Variants in GORASP2 observed in about 807,000 individuals in gnomAD.
GORASP2 encodes golgi reassembly stacking protein 2.
A neutral mutation model predicts 45.7 loss-of-function variants in GORASP2; 22 were observed. The ratio of observed to expected loss-of-function variants is 0.48; its 90% CI spans 0.34 to 0.69. The LOEUF is 0.69. Ranked by LOEUF, GORASP2 falls within the 30% of genes least tolerant of loss-of-function variation. The pLI, the probability that GORASP2 is intolerant of heterozygous loss-of-function variation, is 0.01. For missense variants in GORASP2, 491 were observed against 562.7 expected, an observed-to-expected ratio of 0.87 and a Z score of 1.29; for synonymous variants, 221 against 215.6, an observed-to-expected ratio of 1.02 and a Z score of -0.22.
rs575835950 is a variant in GORASP2, at chr2:170,961,757, C to T, written c.910+8C>T. 2.1e-6 allele frequency: 3 copies of T among 1,404,260 alleles called. No homozygotes were observed. The South Asian group carries it at 3.4e-5, about 16-fold the overall frequency. The allele number at this position is 1,404,260 out of a possible 1,614,324, so 87.0% of individuals were successfully genotyped here. On this transcript the variant is annotated splice_region_variant and intron_variant, in intron 8 of 9. Transcript: ENST00000234160. ...CAGCTACTACATTACCAGGTAACCA[C>T]CAGGGGACTAGAGATGTGGCTGATA... is the stretch of plus-strand genomic sequence containing the variant.
chr2:170,936,224 C>CTTTTTTT (rs3079542), intron 1 of GORASP2, among the ~76,000 whole-genome samples: 4 of 119,034 alleles, frequency 3.4e-5, no homozygotes, highest in East Asian at 2.4e-4. Flanking sequence ...TTGAAACTGA[C>CTTTTTTT]TTTTTTTTTT....
intron 1 of GORASP2, chr2:170,929,741 C>T (rs769259976): frequency 2.6e-5 from 14 of 540,364 alleles, no homozygotes; most frequent in South Asian, 1.5e-4. Context: ...TCATTTTTAG[C>T]TTCCAAAGTT....
intron 1 of GORASP2, among the ~76,000 whole-genome samples, chr2:170,931,256 A>C (rs1310774106): frequency 1.3e-5 from 2 of 152,354 alleles, no homozygotes; most frequent in East Asian, 3.9e-4. Flanking sequence ...TTTACTAAAG[A>C]GAGCTTTAAA....
Position 170,951,613 on chromosome 2 carries a change from A to G in GORASP2, c.566+155A>G, listed in dbSNP as rs72878608. The G allele has an allele frequency of 2.1e-4, 121 of 579,548 alleles. 1 individual carries two copies. The highest frequency in any genetic ancestry group is 3.3e-4 in the Non-Finnish European group (112 of 338,750). The allele number at this position is 579,548 out of a possible 1,614,324, so 35.9% of individuals were successfully genotyped here. A position where few individuals can be genotyped will look rare whatever the true frequency, so the allele number is the denominator to read the frequency against. On this transcript the variant is annotated intron_variant, in intron 5 of 9. Coordinates refer to ENST00000234160, the MANE Select transcript of GORASP2 (RefSeq NM_015530.5). ...GAGCTAGTCTAGAATATTGAAACCA[A>G]TTTTTTTAAAGTACATATCTAGGGA... is the stretch of plus-strand genomic sequence containing the variant.
intron 9 of GORASP2, among the ~76,000 whole-genome samples, chr2:170,964,748 GCTC>G (rs1240323812): frequency 6.6e-6 from 1 of 152,054 alleles, no homozygotes; most frequent in African/African-American, 2.4e-5. Context: ...TGTATTCTTG[GCTC>G]CTCCTCTGCC....
chr2:170,966,121 G>A lies in GORASP2; in HGVS notation c.1350G>A (p.Glu450=). The change falls in exon 10 of 10, where the codon GAG becomes GAA. Residue 450 remains glutamate, a synonymous_variant. Coordinates refer to ENST00000234160, the MANE Select transcript of GORASP2 (RefSeq NM_015530.5). Reference sequence around the variant, plus strand: ...CGGCTGTGGATGCCAATGCTTCTGAGTCACCTTAACTTTGAACCATTCTTT... The same window carrying A: ...CGGCTGTGGATGCCAATGCTTCTGAATCACCTTAACTTTGAACCATTCTTT... ...VSAAVDANAS[E]SP is the part of the protein sequence containing the mutation. 1 of 1,612,290 alleles carries A rather than the reference G, an allele frequency of 6.2e-7. No individual in the cohort carries two copies. Among genetic ancestry groups the A allele is most frequent in the South Asian group, 1.1e-5 (1 of 91,064 alleles).
intron 8 of GORASP2, 47 bp from the exon 9 acceptor site, chr2:170,962,792 C>T: frequency 8.0e-7 from 1 of 1,257,498 alleles, no homozygotes; most frequent in South Asian, 1.2e-5. Context: ...TTATTTCTTC[C>T]CCAGGTCAAG....
At chr2:170,948,039 G>A (rs991558921) in intron 1 of GORASP2, among the ~76,000 whole-genome samples, 1 of 152,144 alleles carries the variant, frequency 6.6e-6, no homozygotes, top group African/African-American at 2.4e-5. Context: ...CACAAGAATC[G>A]CTTGAATCAG....
chr2:170,938,924 C>T (rs776344819), intron 1 of GORASP2, among the ~76,000 whole-genome samples: 2 of 152,024 alleles, frequency 1.3e-5, no homozygotes, highest in Non-Finnish European at 2.9e-5. Flanking sequence ...ACCCAGGAGG[C>T]GGAGGTTGCT....
Position 170,948,373 on chromosome 2 carries a change from CAG to C in GORASP2, c.90_91del (p.Arg30SerfsTer8). 2 of 1,601,134 alleles carry C rather than the reference CAG, an allele frequency of 1.2e-6. No individual in the cohort carries two copies. The highest frequency in any genetic ancestry group is 1.7e-6 in the Non-Finnish European group (2 of 1,169,540). ...LRVQENSPGH[R>X]AGLEPFFDFI... Reference sequence around the variant, plus strand: ...AGGTACAAGAAAATTCCCCAGGACACAGAGCTGGTTTGGAGCCTTTCTTTGAT... The same window carrying C: ...AGGTACAAGAAAATTCCCCAGGACACAGCTGGTTTGGAGCCTTTCTTTGAT... On this transcript the variant is annotated frameshift_variant, in exon 2 of 10. Transcript: ENST00000234160. LOFTEE classifies it high-confidence loss of function.
intron 1 of GORASP2, among the ~76,000 whole-genome samples, chr2:170,938,741 C>CCTTTGGGATTA (rs1704010630): frequency 6.6e-6 from 1 of 152,156 alleles, no homozygotes; most frequent in South Asian, 2.1e-4. Flanking sequence ...GCCTGTAATC[C>CCTTTGGGATTA]CAGTACTTTG....
At chr2:170,936,757 A>G (rs1480556405) in intron 1 of GORASP2, 2 of 618,668 alleles carry the variant, frequency 3.2e-6, no homozygotes, top group African/African-American at 1.9e-5. Context: ...GTTTAAGACC[A>G]CGCTGGGCAA....
At chr2:170,932,490 C>T (rs1703852575) in intron 1 of GORASP2, among the ~76,000 whole-genome samples, 1 of 152,200 alleles carries the variant, frequency 6.6e-6, no homozygotes, top group Admixed American at 6.5e-5. Context: ...ATATTTACAA[C>T]CTTAAATCCT....
chr2:170,952,368 G>A (rs187835870), intron 5 of GORASP2, among the ~76,000 whole-genome samples: 3 of 152,318 alleles, frequency 2.0e-5, no homozygotes, highest in Non-Finnish European at 2.9e-5. Flanking sequence ...CATTGCATTA[G>A]CTAGGCCCAT....
intron 1 of GORASP2, among the ~76,000 whole-genome samples, chr2:170,944,165 T>A (rs778833461): frequency 6.6e-6 from 1 of 152,200 alleles, no homozygotes; most frequent in Admixed American, 6.5e-5. Flanking sequence ...AGTGGTAATC[T>A]GATGCTTGAG....
chr2:170,956,553 A>G lies in GORASP2; in HGVS notation c.817A>G (p.Ser273Gly), dbSNP rs1274934177. The change falls in exon 7 of 10, where the codon AGT becomes GGT. Residue 273 changes from serine (S) to glycine (G), a missense_variant. Physicochemically the swap from Ser to Gly is moderately conservative, Grantham distance 56 (BLOSUM62 0). Transcript: ENST00000234160. ...STPPAVSSVL[S>G]TGVPTVPLLP... ...TCCACCAGCTGTCAGTAGTGTTCTC[A>G]GTACAGGTGTGCAGAAAAATATATT... 3.1e-6 allele frequency: 5 copies of G among 1,603,542 alleles called. No homozygotes were observed. Among genetic ancestry groups the G allele is most frequent in the Middle Eastern group, 1.7e-4 (1 of 6,026 alleles).
At chr2:170,937,889 A>T (rs926708814) in intron 1 of GORASP2, among the ~76,000 whole-genome samples, 2 of 152,208 alleles carry the variant, frequency 1.3e-5, no homozygotes, top group African/African-American at 4.8e-5. Context: ...ATCATAGTCA[A>T]CCACCAGAGA....
chr2:170,930,018 C>T (rs971325106), intron 1 of GORASP2: 6 of 300,264 alleles, frequency 2.0e-5, no homozygotes, highest in African/African-American at 1.4e-4. Context: ...CCCTCCCAAA[C>T]CTTCTCAAGA....
intron 9 of GORASP2, among the ~76,000 whole-genome samples, chr2:170,965,215 T>C (rs1488704563): frequency 6.6e-6 from 1 of 152,180 alleles, no homozygotes; most frequent in African/African-American, 2.4e-5. Context: ...ACGCCTGGCC[T>C]TGCATTTTAA....
Sources: allele counts gnomAD v4.1 joint callset (sites outside exome capture counted in the v4.1 genomes callset), GRCh38; gene constraint gnomAD v4.1.1; transcripts MANE v1.5; gene names NCBI Gene and HGNC (gene_info 2026-07-23, HGNC 2026-07-21).